ATP11C: variants seen among roughly 807,000 people sequenced by gnomAD.
ATP11C encodes phospholipid-transporting ATPase IG.
Under a neutral mutation model 97.4 loss-of-function variants are expected in ATP11C, and 36 were observed. That is an observed-to-expected ratio of 0.37 (90% CI 0.28 to 0.49). ATP11C has a LOEUF of 0.49. Ranked by LOEUF, ATP11C falls within the 20% of genes least tolerant of loss-of-function variation. The pLI is 0.98. For synonymous variants in ATP11C, 275 were observed against 290.9 expected (o/e 0.95, Z 0.56); for missense variants, 730 against 824.6 (o/e 0.89, Z 1.40).
intron 1 of ATP11C, among the ~76,000 whole-genome samples, chrX:139,900,982 G>A (rs1436460247): frequency 8.9e-6 from 1 of 111,919 alleles, no homozygotes; most frequent in African/African-American, 3.2e-5. Context: ...ACACCATCCT[G>A]TTTGGAAGGC....
In ATP11C at chrX:139,788,352, C is replaced by A. The variant is rs182856200; in HGVS notation, c.1369-9G>T. 1 of 1,192,035 alleles carries A rather than the reference C, an allele frequency of 8.4e-7. No homozygotes were observed. Among genetic ancestry groups the A allele is most frequent in the East Asian group, 3.0e-5 (1 of 33,503 alleles). On this transcript the variant is annotated splice_polypyrimidine_tract_variant and intron_variant, in intron 13 of 29. Coordinates refer to ENST00000682941, the MANE Select transcript of ATP11C (RefSeq NM_001353812.2). The stretch of plus-strand genomic sequence containing the variant: ...AACAGCTCTTCTCGATTCTGTGGAA[C>A]AGCAACAAAATAATGATTATTATTT...
At chrX:139,915,215 T>C (rs2085136304) in intron 1 of ATP11C, among the ~76,000 whole-genome samples, 1 of 111,926 alleles carries the variant, frequency 8.9e-6, no homozygotes, top group Non-Finnish European at 1.9e-5. Flanking sequence ...AGGACTTAAA[T>C]GAGACACTAC....
chrX:139,738,645 T>C (rs1172865768), intron 27 of ATP11C, among the ~76,000 whole-genome samples: 1 of 111,655 alleles, frequency 9.0e-6, no homozygotes, highest in East Asian at 2.8e-4. Flanking sequence ...TATTGCTAAT[T>C]GGACATTAAG....
intron 23 of ATP11C, among the ~76,000 whole-genome samples, chrX:139,753,524 G>T (rs2081866561): frequency 8.9e-6 from 1 of 111,943 alleles, no homozygotes; most frequent in Non-Finnish European, 1.9e-5. Context: ...AAGTTAAAAA[G>T]AGGGCCGGGC....
intron 1 of ATP11C, among the ~76,000 whole-genome samples, chrX:139,889,028 G>A (rs758089119): frequency 2.7e-5 from 3 of 111,268 alleles, no homozygotes; most frequent in Non-Finnish European, 5.7e-5. Flanking sequence ...GGCTGGTCTC[G>A]AATTCCTGAC....
chrX:139,926,546 G>C (rs1247279801), intron 1 of ATP11C, among the ~76,000 whole-genome samples: 1 of 111,738 alleles, frequency 8.9e-6, no homozygotes, highest in Non-Finnish European at 1.9e-5. Context: ...TAAACTGGCA[G>C]CTTTTTGAAA....
In ATP11C at chrX:139,837,520, T is replaced by C. The variant is rs1442331299; in HGVS notation, c.28-10697A>G. Among the ~76,000 whole-genome samples the C allele has an allele frequency of 3.6e-5, 4 of 112,540 alleles. No homozygotes were observed. The East Asian group carries it at 1.1e-3, about 31-fold the overall frequency. ...CATTATTATAAAAAGCACATGTGTA[T>C]GCAACATGTTAATACAATTCTAAGT... On this transcript the variant is annotated intron_variant, in intron 1 of 29. Coordinates refer to ENST00000682941, the MANE Select transcript of ATP11C (RefSeq NM_001353812.2).
intron 2 of ATP11C, among the ~76,000 whole-genome samples, chrX:139,822,205 T>C (rs2083425031): frequency 8.9e-6 from 1 of 112,208 alleles, no homozygotes; most frequent in Non-Finnish European, 1.9e-5. Flanking sequence ...ATAGTATTTA[T>C]TTATTTATTG....
rs768214215 is a variant in ATP11C, at chrX:139,832,161, G to A, written c.28-5338C>T. 1.8e-5 allele frequency: 22 copies of A among 1,209,144 alleles called. No individual in the cohort carries two copies. The highest frequency in any genetic ancestry group is 2.3e-5 in the Non-Finnish European group (21 of 893,905). ...TAAATATAGATTACAAACCTCAGAG[G>A]CTGGAGGGAGAGATGGGACCATCTG... On this transcript the variant is annotated intron_variant, in intron 1 of 29. Transcript: ENST00000682941.
intron 1 of ATP11C, among the ~76,000 whole-genome samples, chrX:139,855,128 A>AT (rs1191965857): frequency 8.9e-6 from 1 of 111,994 alleles, no homozygotes; most frequent in Non-Finnish European, 1.9e-5. Context: ...TATAAAAATA[A>AT]TACAGGAAGC....
intron 23 of ATP11C, among the ~76,000 whole-genome samples, chrX:139,751,946 C>T (rs2081826797): frequency 9.0e-6 from 1 of 111,523 alleles, no homozygotes; most frequent in African/African-American, 3.3e-5. Flanking sequence ...AGGCTGACTA[C>T]TCAAAGGTAC....
intron 1 of ATP11C, among the ~76,000 whole-genome samples, chrX:139,925,742 T>C (rs1441590037): frequency 9.0e-6 from 1 of 111,678 alleles, no homozygotes; most frequent in Admixed American, 9.5e-5. Flanking sequence ...AAAAAACAAA[T>C]GATGATATCT....
chrX:139,775,770 G>A (rs1027905694), intron 18 of ATP11C, among the ~76,000 whole-genome samples: 7 of 112,688 alleles, frequency 6.2e-5, no homozygotes, highest in Non-Finnish European at 1.1e-4. Context: ...GATCCAGGTG[G>A]CCAGCTCATG....
At chrX:139,842,988 A>G (rs1252575374) in intron 1 of ATP11C, among the ~76,000 whole-genome samples, 2 of 112,146 alleles carry the variant, frequency 1.8e-5, no homozygotes, top group African/African-American at 3.2e-5. Flanking sequence ...CTCGCCAAGT[A>G]TCTCAGTTTA....
chrX:139,836,950 T>TA (rs983523680), intron 1 of ATP11C, among the ~76,000 whole-genome samples: 1 of 111,438 alleles, frequency 9.0e-6, no homozygotes, highest in Non-Finnish European at 1.9e-5. Flanking sequence ...ATAAACCTCT[T>TA]AGAATACAAA....
At chrX:139,732,640 AC>A (rs1327142979) in intron 28 of ATP11C, 1 of 208,549 alleles carries the variant, frequency 4.8e-6, no homozygotes, top group African/African-American at 2.9e-5. Flanking sequence ...TAAAAAGAAA[AC>A]TTGAGAATTC....
In ATP11C at chrX:139,861,341, T is replaced by C. The variant is rs776387024; in HGVS notation, c.28-34518A>G. ...TTAAATTAAGTACAAATATGTCAGGTTCAGGAGATACAAATACTGATTTTG... is the reference window on the plus strand; with the variant it reads ...TTAAATTAAGTACAAATATGTCAGGCTCAGGAGATACAAATACTGATTTTG... On this transcript the variant is annotated intron_variant, in intron 1 of 29. Transcript: ENST00000682941. Among the ~76,000 whole-genome samples the C allele has an allele frequency of 8.0e-5, 9 of 112,126 alleles. No individual in the cohort carries two copies. In the South Asian group the frequency reaches 3.3e-3, roughly 42 times the overall value.
chrX:139,759,374 G>C (rs149850683), intron 22 of ATP11C, among the ~76,000 whole-genome samples: 1,557 of 111,983 alleles, frequency 0.014, 14 homozygotes, highest in Non-Finnish European at 0.022. Flanking sequence ...AGATGAATAG[G>C]ACATGTTGAT....
chrX:139,899,171 G>A (rs1178970225), intron 1 of ATP11C, among the ~76,000 whole-genome samples: 2 of 111,276 alleles, frequency 1.8e-5, no homozygotes, highest in African/African-American at 6.5e-5. Context: ...AAGAGCCTGA[G>A]GAGACATGAT....
Sources: allele counts gnomAD v4.1 joint callset (sites outside exome capture counted in the v4.1 genomes callset), GRCh38; gene constraint gnomAD v4.1.1; transcripts MANE v1.5; gene names NCBI Gene and HGNC (gene_info 2026-07-23, HGNC 2026-07-21).